The following NEO1 variants were observed in gnomAD, a reference collection of about 807,000 sequenced individuals.
The protein encoded by NEO1 is neogenin 1.
In NEO1, 63 loss-of-function variants were observed where a neutral mutation model predicts 159.7. The ratio of observed to expected loss-of-function variants is 0.39; its 90% CI spans 0.32 to 0.49. NEO1 has a LOEUF of 0.49. Among genes scored for constraint, NEO1 ranks in the 20% least tolerant of loss-of-function variants. The pLI is 0.85. For missense variants in NEO1, 1,615 were observed against 1,831.0 expected (o/e 0.88, Z 2.15); for synonymous variants, 633 against 662.0 (o/e 0.96, Z 0.67).
intron 1 of NEO1, among the ~76,000 whole-genome samples, chr15:73,078,907 C>G (rs1381041996): frequency 6.6e-6 from 1 of 152,196 alleles, no homozygotes; most frequent in African/African-American, 2.4e-5. Context: ...TAGTAAATGA[C>G]AAGCAGGAAT....
chr15:73,132,277 C>T (rs1204176205), intron 4 of NEO1, among the ~76,000 whole-genome samples: 3 of 152,228 alleles, frequency 2.0e-5, no homozygotes, highest in African/African-American at 4.8e-5. Flanking sequence ...CCTATTGTTA[C>T]GGCCATAATC....
chr15:73,082,709 A>G (rs1169063117), intron 1 of NEO1, among the ~76,000 whole-genome samples: 1 of 152,200 alleles, frequency 6.6e-6, no homozygotes, highest in Non-Finnish European at 1.5e-5. Context: ...ACATATCAGT[A>G]TTTTATATAT....
At chr15:73,184,699 G>A (rs925821161) in intron 7 of NEO1, among the ~76,000 whole-genome samples, 6 of 152,208 alleles carry the variant, frequency 3.9e-5, no homozygotes, top group Non-Finnish European at 5.9e-5. Flanking sequence ...AGGTGGAGGT[G>A]GGCAGATCAC....
chr15:73,166,723 A>G (rs1172745349), intron 5 of NEO1, among the ~76,000 whole-genome samples: 6 of 152,174 alleles, frequency 3.9e-5, no homozygotes, highest in African/African-American at 1.2e-4. Context: ...AGAAAAGAAT[A>G]TTAGTTCTGG....
chr15:73,078,502 G>C (rs145490522), intron 1 of NEO1, among the ~76,000 whole-genome samples: 171 of 152,240 alleles, frequency 1.1e-3, no homozygotes, highest in African/African-American at 3.7e-3. Flanking sequence ...GTCCACAAAG[G>C]GCTCTGTTTA....
intron 1 of NEO1, among the ~76,000 whole-genome samples, chr15:73,079,405 C>T (rs893370481): frequency 2.9e-4 from 44 of 152,164 alleles, no homozygotes; most frequent in African/African-American, 1.0e-3. Context: ...ATTTTTACTG[C>T]GTTATAGTTG....
At chr15:73,107,674 C>T (rs2070760902) in intron 1 of NEO1, among the ~76,000 whole-genome samples, 1 of 152,118 alleles carries the variant, frequency 6.6e-6, no homozygotes. Flanking sequence ...TAAAACAATG[C>T]CATCATTCAG....
At chr15:73,294,392 T>C (rs1017940261) in intron 26 of NEO1, among the ~76,000 whole-genome samples, 1 of 152,218 alleles carries the variant, frequency 6.6e-6, no homozygotes, top group Non-Finnish European at 1.5e-5. Flanking sequence ...TTAATAGTTA[T>C]TATGTTACTG....
At chr15:73,246,778 G>C (rs984015649) in intron 9 of NEO1, among the ~76,000 whole-genome samples, 13 of 152,204 alleles carry the variant, frequency 8.5e-5, no homozygotes, top group Non-Finnish European at 1.8e-4. Context: ...CATTTCCCTT[G>C]GAAAGGATCT....
chr15:73,178,306 G>C lies in NEO1; in HGVS notation c.1171-1G>C. ...ATTTTATTTATGCTTTTCTTCTTCA[G>C]AAGGAACATAATCTTCAAGTTTTGG... On this transcript the variant is annotated splice_acceptor_variant, in intron 6 of 28. Transcript: ENST00000261908. LOFTEE classifies it high-confidence loss of function. 2 of 1,610,076 alleles carry C rather than the reference G, an allele frequency of 1.2e-6. No homozygotes were observed. Among genetic ancestry groups the C allele is most frequent in the Non-Finnish European group, 1.7e-6 (2 of 1,177,558 alleles).
At chr15:73,204,662 C>T (rs946340551) in intron 7 of NEO1, among the ~76,000 whole-genome samples, 6 of 152,136 alleles carry the variant, frequency 3.9e-5, no homozygotes, top group Non-Finnish European at 8.8e-5. Flanking sequence ...TCTCTTCTTG[C>T]ATGTTCCCTA....
chr15:73,178,832 T>G (rs2035434841), intron 7 of NEO1, among the ~76,000 whole-genome samples: 1 of 152,154 alleles, frequency 6.6e-6, no homozygotes, highest in African/African-American at 2.4e-5. Flanking sequence ...GAAGCAGAGC[T>G]CATTGTTTTC....
intron 8 of NEO1, among the ~76,000 whole-genome samples, chr15:73,242,303 T>G (rs1004402514): frequency 6.6e-6 from 1 of 152,212 alleles, no homozygotes; most frequent in South Asian, 2.1e-4. Flanking sequence ...TGTTAGTACA[T>G]ATTTTTATGT....
In NEO1 at chr15:73,303,453, T is replaced by C. The variant is rs1281299543; in HGVS notation, c.*757T>C. 6.6e-6 allele frequency: 1 copy of C among 152,316 alleles called. No homozygotes were observed. The highest frequency in any genetic ancestry group is 1.5e-5 in the Non-Finnish European group (1 of 67,990). The allele number at this position is 152,316 out of a possible 1,614,324, so 9.4% of individuals were successfully genotyped here. The stretch of plus-strand genomic sequence containing the variant: ...GAAATGTAACATTGAAAAGACTTGT[T>C]TGTTGCTTTCTGTGCAGTTTCAGTA... On this transcript the variant is annotated 3_prime_UTR_variant, in exon 29 of 29. Coordinates refer to ENST00000261908, the MANE Select transcript of NEO1 (RefSeq NM_002499.4).
At chr15:73,220,843 G>C (rs1345468836) in intron 7 of NEO1, among the ~76,000 whole-genome samples, 2 of 152,066 alleles carry the variant, frequency 1.3e-5, no homozygotes, top group African/African-American at 2.4e-5. Context: ...TTTTTTCAAA[G>C]TTTTCAACTT....
intron 7 of NEO1, among the ~76,000 whole-genome samples, chr15:73,196,651 A>G (rs949006517): frequency 2.6e-5 from 4 of 152,220 alleles, no homozygotes; most frequent in African/African-American, 9.7e-5. Context: ...GTATTAGAGT[A>G]GCTTTGAATA....
At chr15:73,301,708 C>T (rs1159274374) in intron 28 of NEO1, among the ~76,000 whole-genome samples, 1 of 151,828 alleles carries the variant, frequency 6.6e-6, no homozygotes, top group East Asian at 1.9e-4. Flanking sequence ...TGCTCTGTCT[C>T]CCAGGCTGGA....
chr15:73,222,413 A>C (rs2038345796), intron 7 of NEO1, among the ~76,000 whole-genome samples: 1 of 151,858 alleles, frequency 6.6e-6, no homozygotes, highest in Non-Finnish European at 1.5e-5. Flanking sequence ...GGTAATTTTT[A>C]AATTACCATT....
chr15:73,218,562 CTT>C lies in NEO1; in HGVS notation c.1292-17781_1292-17780del, dbSNP rs752115501. ...CTGTGATTCCATCTGGTCCTGGACT[CTT>C]TTTGGTTGGTAAGCTATTGATTATT... On this transcript the variant is annotated intron_variant, in intron 7 of 28. Coordinates refer to ENST00000261908, the MANE Select transcript of NEO1 (RefSeq NM_002499.4). Among the ~76,000 whole-genome samples, 330 of 151,694 alleles carry C rather than the reference CTT, an allele frequency of 2.2e-3. 1 individual carries two copies. The highest frequency in any genetic ancestry group is 3.4e-3 in the Non-Finnish European group (233 of 67,888).
Sources: gnomAD v4.1 joint callset for allele counts (sites outside exome capture counted in the v4.1 genomes callset) on GRCh38, gnomAD v4.1.1 for gene constraint, MANE v1.5 for transcripts, NCBI Gene and HGNC (gene_info 2026-07-23, HGNC 2026-07-21) for gene names.